Variants in ITPKB observed in about 807,000 individuals in gnomAD.
The protein encoded by ITPKB is IP3 3-kinase B.
In ITPKB, 13 loss-of-function variants were observed where a neutral mutation model predicts 69.4. The ratio of observed to expected loss-of-function variants is 0.19; its 90% CI spans 0.12 to 0.30. The LOEUF is 0.30. ITPKB is among the 10% of genes least tolerant of loss of function. The probability of loss-of-function intolerance (pLI) is 1.00; values close to 1 mark genes in which losing one functional copy is unlikely to be tolerated. For synonymous variants in ITPKB, 584 were observed against 513.7 expected, an observed-to-expected ratio of 1.14 and a Z score of -1.85; for missense variants, 1,240 against 1,250.5, an observed-to-expected ratio of 0.99 and a Z score of 0.13.
rs774267306 is a variant in ITPKB, at chr1:226,736,686, T to G, written c.773A>C (p.Glu258Ala). 1 of 1,613,016 alleles carries G rather than the reference T, an allele frequency of 6.2e-7. No homozygotes were observed. The highest frequency in any genetic ancestry group is 2.2e-5 in the East Asian group (1 of 44,850). ...AQGPSAFVRM[E>A]KGIPASPRCG... ...GCGGGGACTGGCAGGGATACCCTTC[T>G]CCATCCTTACAAAAGCGGATGGACC... The change falls in exon 2 of 8, where the codon GAG becomes GCG. Residue 258 changes from glutamate to alanine, a missense_variant. Coordinates refer to ENST00000429204, the MANE Select transcript of ITPKB (RefSeq NM_002221.4).
At chr1:226,710,627 G>A (rs1262657410) in intron 2 of ITPKB, among the ~76,000 whole-genome samples, 3 of 152,194 alleles carry the variant, frequency 2.0e-5, no homozygotes, top group Admixed American at 6.5e-5. Flanking sequence ...ACACCTGCCT[G>A]GGCAGACCCA....
chr1:226,634,772 C>G lies in ITPKB; in HGVS notation c.2740G>C (p.Val914Leu), dbSNP rs148881608. Residue 914 changes from valine to leucine, a missense_variant, in exon 8 of 8, where the codon GTC becomes CTC. Physicochemically the swap from Val to Leu is conservative, Grantham distance 32. Around this residue, in one of 2 missense-constraint regions of ITPKB, gnomAD observed 248 missense variants for 396.7 expected, o/e 0.63. Transcript: ENST00000429204. The surrounding 1 kb of genome is among the most constrained non-coding windows in gnomAD (Gnocchi z 6.3). ...LPEGQTLQHD[V>L]PWQEGNREDG... ...TCCCGGTTCCCCTCCTGCCAGGGGA[C>G]GTCATGCTGCAGGGTCTGGCCCTCA... is the stretch of plus-strand genomic sequence containing the variant. The G allele has an allele frequency of 1.3e-6, 2 of 1,486,700 alleles. No individual in the cohort carries two copies. Among genetic ancestry groups the G allele is most frequent in the Non-Finnish European group, 1.9e-6 (2 of 1,063,688 alleles). The allele number at this position is 1,486,700 out of a possible 1,614,324, so 92.1% of individuals were successfully genotyped here.
At chr1:226,664,469 C>T (rs540288320) in intron 2 of ITPKB, among the ~76,000 whole-genome samples, 10 of 152,166 alleles carry the variant, frequency 6.6e-5, no homozygotes, top group Admixed American at 3.9e-4. Context: ...CGTGGTGGGA[C>T]GAGGGGAGAG....
At chr1:226,666,813 C>T (rs1315849182) in intron 2 of ITPKB, among the ~76,000 whole-genome samples, 1 of 152,212 alleles carries the variant, frequency 6.6e-6, no homozygotes, top group African/African-American at 2.4e-5. Context: ...TGTCCCTCCC[C>T]TGCTTTAAAC....
At chr1:226,718,139 C>T (rs1280407794) in intron 2 of ITPKB, among the ~76,000 whole-genome samples, 1 of 151,936 alleles carries the variant, frequency 6.6e-6, no homozygotes, top group Non-Finnish European at 1.5e-5. Context: ...ACTAAAAATA[C>T]AAAAATTAGC....
intron 2 of ITPKB, among the ~76,000 whole-genome samples, chr1:226,704,851 TAA>T (rs1656763822): frequency 1.3e-5 from 2 of 152,250 alleles, no homozygotes; most frequent in South Asian, 4.1e-4. Context: ...TGACTTTTCT[TAA>T]AGTCAGAGGC....
chr1:226,682,431 C>A (rs1300754078), intron 2 of ITPKB, among the ~76,000 whole-genome samples: 1 of 152,176 alleles, frequency 6.6e-6, no homozygotes, highest in Non-Finnish European at 1.5e-5. Flanking sequence ...GGGTTTGGAG[C>A]AAAGCAAGCA....
chr1:226,650,869 A>T (rs1273964786), intron 2 of ITPKB, among the ~76,000 whole-genome samples: 1 of 152,176 alleles, frequency 6.6e-6, no homozygotes, highest in Non-Finnish European at 1.5e-5. Context: ...CAGCTGGTAT[A>T]CCAGGCTCCT....
intron 2 of ITPKB, among the ~76,000 whole-genome samples, chr1:226,720,774 G>A (rs909488169): frequency 2.0e-5 from 3 of 151,616 alleles, no homozygotes; most frequent in Admixed American, 6.6e-5. Context: ...GGGCGCGGCC[G>A]GGCGTGGTGG....
At chr1:226,710,227 A>G (rs529016933) in intron 2 of ITPKB, among the ~76,000 whole-genome samples, 2 of 152,286 alleles carry the variant, frequency 1.3e-5, no homozygotes, top group South Asian at 4.1e-4. Flanking sequence ...AAACAAATGG[A>G]AGCACCTGTG....
intron 2 of ITPKB, among the ~76,000 whole-genome samples, chr1:226,684,516 A>C (rs1656157806): frequency 1.3e-5 from 2 of 152,168 alleles, no homozygotes; most frequent in Admixed American, 6.5e-5. Context: ...GGGGACCCAC[A>C]GAGGCAGTAC....
chr1:226,716,872 A>G (rs1428596054), intron 2 of ITPKB, among the ~76,000 whole-genome samples: 1 of 152,142 alleles, frequency 6.6e-6, no homozygotes, highest in Non-Finnish European at 1.5e-5. Context: ...TCCTCTGCCC[A>G]TTTTCCAAAA....
At chr1:226,669,493 G>A (rs537924430) in intron 2 of ITPKB, among the ~76,000 whole-genome samples, 1 of 152,186 alleles carries the variant, frequency 6.6e-6, no homozygotes, top group South Asian at 2.1e-4. Context: ...CAGAAGGTGA[G>A]TCTTCTGGAA....
At chr1:226,645,014 A>C (rs1298075504) in intron 4 of ITPKB, among the ~76,000 whole-genome samples, 1 of 152,232 alleles carries the variant, frequency 6.6e-6, no homozygotes, top group Non-Finnish European at 1.5e-5. Context: ...TTTGCAGTCA[A>C]GCAAGCCTGG....
At chr1:226,729,430 C>T (rs1226146634) in intron 2 of ITPKB, among the ~76,000 whole-genome samples, 3 of 141,808 alleles carry the variant, frequency 2.1e-5, no homozygotes, top group Non-Finnish European at 3.0e-5. Flanking sequence ...TGCAGTGAGC[C>T]GATATCATGC....
rs1227280308 is a variant in ITPKB at position 226,739,060 on chromosome 1, C to G, written c.-225G>C. ...ACTTACCTGCAGTTTCTCAGATTCTCAGGTCCTGTGTAGACTACATGCCCA... is the reference window on the plus strand; with the variant it reads ...ACTTACCTGCAGTTTCTCAGATTCTGAGGTCCTGTGTAGACTACATGCCCA... On this transcript the variant is annotated 5_prime_UTR_variant, in exon 1 of 8. Transcript: ENST00000429204. 1 of 152,302 alleles carries G rather than the reference C, an allele frequency of 6.6e-6. No homozygotes were observed. The highest frequency in any genetic ancestry group is 1.9e-4 in the East Asian group (1 of 5,202). The allele number at this position is 152,302 out of a possible 1,614,324, so 9.4% of individuals were successfully genotyped here.
At chr1:226,733,069 CTG>C (rs1213664106) in intron 2 of ITPKB, among the ~76,000 whole-genome samples, 2 of 152,216 alleles carry the variant, frequency 1.3e-5, no homozygotes, top group East Asian at 3.9e-4. Flanking sequence ...GGTTATGTGA[CTG>C]GAACGCTGAA....
chr1:226,687,505 T>A (rs779702361), intron 2 of ITPKB, among the ~76,000 whole-genome samples: 1 of 152,122 alleles, frequency 6.6e-6, no homozygotes, highest in Non-Finnish European at 1.5e-5. Flanking sequence ...CTACCCTCTG[T>A]CCCTGGAACA....
chr1:226,678,400 G>A (rs1655965974), intron 2 of ITPKB, among the ~76,000 whole-genome samples: 1 of 152,208 alleles, frequency 6.6e-6, no homozygotes, highest in African/African-American at 2.4e-5. Context: ...CCCTGCAGAT[G>A]GCTGCAGACC....
Sources: allele counts gnomAD v4.1 joint callset (sites outside exome capture counted in the v4.1 genomes callset), GRCh38; gene constraint gnomAD v4.1.1; regional missense constraint gnomAD v4.1.1; non-coding constraint Gnocchi (gnomAD v3.1); transcripts MANE v1.5; gene names NCBI Gene and HGNC (gene_info 2026-07-23, HGNC 2026-07-21).